C11orf65: variants seen among roughly 807,000 people sequenced by gnomAD.
C11orf65 encodes the protein protein MFI.
In C11orf65, 38 loss-of-function variants were observed where a neutral mutation model predicts 35.3. The ratio of observed to expected loss-of-function variants is 1.08; its 90% CI spans 0.83 to 1.41. The LOEUF is 1.41. Among genes scored for constraint, C11orf65 ranks in the 40% most tolerant of loss-of-function variants. The pLI is 0.00. For missense variants in C11orf65, 370 were observed against 367.1 expected (o/e 1.01, Z -0.06); for synonymous variants, 105 against 114.4 (o/e 0.92, Z 0.53).
intron 7 of C11orf65, among the ~76,000 whole-genome samples, chr11:108,390,942 C>G (rs1440130057): frequency 6.6e-6 from 1 of 152,072 alleles, no homozygotes; most frequent in Non-Finnish European, 1.5e-5. Context: ...ATTTTCTGAT[C>G]TATCCTTCTC....
intron 2 of C11orf65, among the ~76,000 whole-genome samples, chr11:108,341,118 C>G (rs1591233881): frequency 1.3e-5 from 2 of 152,114 alleles, no homozygotes; most frequent in African/African-American, 2.4e-5. Context: ...CCACTCTCCT[C>G]ACACTCCTCT....
intron 6 of C11orf65, among the ~76,000 whole-genome samples, chr11:108,324,209 G>T (rs982259845): frequency 6.6e-6 from 1 of 152,052 alleles, no homozygotes; most frequent in Non-Finnish European, 1.5e-5. Context: ...TTTTGGAAAT[G>T]TTTAATAAAA....
chr11:108,339,373 A>C (rs1366370644), intron 2 of C11orf65, among the ~76,000 whole-genome samples: 1 of 152,192 alleles, frequency 6.6e-6, no homozygotes, highest in Non-Finnish European at 1.5e-5. Context: ...TGCATATTTC[A>C]GAGCATCTAT....
chr11:108,315,065 A>AGAG (rs1228886481), intron 6 of C11orf65, among the ~76,000 whole-genome samples: 1 of 152,234 alleles, frequency 6.6e-6, no homozygotes, highest in Non-Finnish European at 1.5e-5. Flanking sequence ...CAAGGCTTAT[A>AGAG]GTATTGCAGT....
At chr11:108,339,811 C>T (rs1025035313) in intron 2 of C11orf65, among the ~76,000 whole-genome samples, 3 of 152,098 alleles carry the variant, frequency 2.0e-5, no homozygotes, top group African/African-American at 7.2e-5. Context: ...GAGTACACTA[C>T]ACTGCAAGAA....
At position 108,393,193 on chromosome 11, in the gene C11orf65, G is replaced by T. The variant is rs762976887; in HGVS notation, c.731+15C>A. ...TGACTGCCCTTGTTCCCCAAGAATA[G>T]CAACATGTACTTACTCATCAAAGTT... On this transcript the variant is annotated intron_variant, in intron 7 of 8. Transcript: ENST00000393084. 1.2e-6 allele frequency: 2 copies of T among 1,602,788 alleles called. No homozygotes were observed. Among genetic ancestry groups the T allele is most frequent in the Non-Finnish European group, 1.7e-6 (2 of 1,172,468 alleles).
downstream of C11orf65, among the ~76,000 whole-genome samples, chr11:108,379,214 C>T (rs867025461): frequency 2.0e-5 from 3 of 152,258 alleles, no homozygotes; most frequent in South Asian, 6.2e-4. Flanking sequence ...ATAGCAAAGA[C>T]TTGGAACCAA....
rs786202583 is a variant in C11orf65 at position 108,325,459 on chromosome 11, A to G, written c.641-16388T>C. The stretch of plus-strand genomic sequence containing the variant: ...ATCCTGATGGAAAAGGAAATGGACA[A>G]CTCACAAAGAGAATGTATTAAGGAC... On this transcript the variant is annotated intron_variant, in intron 6 of 6. Coordinates refer to the C11orf65 transcript ENST00000525729. 9 of 1,613,684 alleles carry G rather than the reference A, an allele frequency of 5.6e-6. No homozygotes were observed. Among genetic ancestry groups the G allele is most frequent in the Non-Finnish European group, 6.8e-6 (8 of 1,179,890 alleles).
intron 2 of C11orf65, among the ~76,000 whole-genome samples, chr11:108,449,599 C>T (rs1285890383): frequency 6.6e-6 from 1 of 151,922 alleles, no homozygotes; most frequent in African/African-American, 2.4e-5. Flanking sequence ...AAAGCTGAAA[C>T]TGGATCCCTT....
chr11:108,325,249 G>GTTTTTTTTTTTTTT (rs11366542), intron 6 of C11orf65: 5 of 566,196 alleles, frequency 8.8e-6, no homozygotes, highest in Admixed American at 3.2e-5. Context: ...AACTTACATA[G>GTTTTTTTTTTTTTT]TTTTTTTTTT....
rs2164742 is a variant in C11orf65 at position 108,438,066 on chromosome 11, T to A, written c.82-6228A>T. ...GCCTAAGGACAGATATATAGGCCAA[T>A]GGAATAGCATAGAGAGCCTCCAAAT... On this transcript the variant is annotated intron_variant, in intron 2 of 8. Coordinates refer to ENST00000393084, the MANE Select transcript of C11orf65 (RefSeq NM_152587.5). Among the ~76,000 whole-genome samples the A allele has an allele frequency of 1.2e-4, 18 of 152,290 alleles. 1 individual carries two copies. The South Asian group carries it at 3.7e-3, about 32-fold the overall frequency.
At chr11:108,339,166 G>A (rs905214448) in intron 2 of C11orf65, among the ~76,000 whole-genome samples, 7 of 152,160 alleles carry the variant, frequency 4.6e-5, no homozygotes, top group Non-Finnish European at 7.3e-5. Context: ...CAGAATTAGG[G>A]TGGCTGGCCC....
At chr11:108,430,217 C>G (rs2092966102) in intron 3 of C11orf65, among the ~76,000 whole-genome samples, 1 of 149,746 alleles carries the variant, frequency 6.7e-6, no homozygotes, top group Non-Finnish European at 1.5e-5. Context: ...AAAGCTCCGC[C>G]TCCCACGTTC....
At chr11:108,330,967 T>TA (rs1186316694), downstream of C11orf65, among the ~76,000 whole-genome samples, 7 of 152,220 alleles carry the variant, frequency 4.6e-5, no homozygotes, top group Non-Finnish European at 7.4e-5. Context: ...TATATATTGT[T>TA]AGTCAATTTG....
chr11:108,462,121 G>C (rs2093480371), intron 1 of C11orf65, among the ~76,000 whole-genome samples: 1 of 152,188 alleles, frequency 6.6e-6, no homozygotes, highest in Non-Finnish European at 1.5e-5. Context: ...ATAGGTCACT[G>C]CAGCCTTGAA....
chr11:108,346,691 C>T (rs1565565921), intron 2 of C11orf65: 1 of 155,130 alleles, frequency 6.4e-6, no homozygotes, highest in Non-Finnish European at 1.4e-5. Flanking sequence ...GCAAGCCAGA[C>T]ACCCAGTCAT....
upstream of C11orf65, among the ~76,000 whole-genome samples, chr11:108,469,616 G>T (rs1314143946): frequency 1.3e-5 from 2 of 151,986 alleles, no homozygotes; most frequent in African/African-American, 4.8e-5. Context: ...AATAGTTACT[G>T]TTGAGTACTT....
rs542491280 is a variant in C11orf65 at position 108,447,659 on chromosome 11, C to G, written c.81+13820G>C. The stretch of plus-strand genomic sequence containing the variant: ...AGTGTGTAGAGGGAAATTTATAGCA[C>G]TAAATGCCCACAAGAGAAAGCAGGA... On this transcript the variant is annotated intron_variant, in intron 2 of 8. Coordinates refer to ENST00000393084, the MANE Select transcript of C11orf65 (RefSeq NM_152587.5). Among the ~76,000 whole-genome samples, 8 of 152,080 alleles carry G rather than the reference C, an allele frequency of 5.3e-5. No homozygotes were observed. The South Asian group carries it at 1.0e-3, about 20-fold the overall frequency.
chr11:108,384,094 T>G (rs2091931217), intron 8 of C11orf65, among the ~76,000 whole-genome samples: 1 of 152,270 alleles, frequency 6.6e-6, no homozygotes, highest in South Asian at 2.1e-4. Context: ...ACTCTTTGCC[T>G]CAAGTGATCC....
Sources: allele counts gnomAD v4.1 joint callset (sites outside exome capture counted in the v4.1 genomes callset), GRCh38; gene constraint gnomAD v4.1.1; transcripts MANE v1.5; gene names NCBI Gene and HGNC (gene_info 2026-07-23, HGNC 2026-07-21).